Variants in NFATC2 observed in about 807,000 individuals in gnomAD.
NFATC2 encodes the protein nuclear factor of activated T cells 2, also known as nuclear factor of activated T-cells, cytoplasmic 2.
A neutral mutation model predicts 87.3 loss-of-function variants in NFATC2; 22 were observed. The ratio of observed to expected loss-of-function variants is 0.25; its 90% CI spans 0.18 to 0.36. NFATC2 has a LOEUF of 0.36. Among genes scored for constraint, NFATC2 ranks in the 10% least tolerant of loss-of-function variants. The probability of loss-of-function intolerance (pLI) is 1.00; values close to 1 mark genes in which losing one functional copy is unlikely to be tolerated. For missense variants in NFATC2, 1,149 were observed against 1,259.1 expected (o/e 0.91, Z 1.32); for synonymous variants, 565 against 542.2 (o/e 1.04, Z -0.58).
In NFATC2 at chr20:51,390,295, G is replaced by C. The variant is rs571705602; in HGVS notation, c.*1201C>G. 6 of 152,218 alleles carry C rather than the reference G, an allele frequency of 3.9e-5. No homozygotes were observed. The highest frequency in any genetic ancestry group is 1.4e-4 in the African/African-American group (6 of 41,454). 9.4% of individuals were successfully genotyped at this position (152,218 alleles called of 1,614,324 possible). A position where few individuals can be genotyped will look rare whatever the true frequency, so the allele number is the denominator to read the frequency against. On this transcript the variant is annotated 3_prime_UTR_variant, in exon 11 of 11. Transcript: ENST00000371564. ...CCAGTGAAGCTGGGAAGCACATCCT[G>C]AGCTCGGCTGTCCCACTTAGAGGGA...
intron 1 of NFATC2, among the ~76,000 whole-genome samples, chr20:51,550,268 A>G (rs2076921906): frequency 6.6e-6 from 1 of 152,128 alleles, no homozygotes; most frequent in Admixed American, 6.5e-5. Context: ...TGCATTCCAA[A>G]AGAGTAAGAC....
chr20:51,441,641 G>A (rs965098763), intron 6 of NFATC2, among the ~76,000 whole-genome samples: 6 of 145,794 alleles, frequency 4.1e-5, no homozygotes, highest in African/African-American at 7.6e-5. Context: ...CGCTTGAACC[G>A]GGGAGGCGGA....
chr20:51,450,738 C>T (rs896693695), intron 6 of NFATC2, among the ~76,000 whole-genome samples: 2 of 152,170 alleles, frequency 1.3e-5, no homozygotes, highest in East Asian at 1.9e-4. Context: ...AGACCACACA[C>T]GGAAAGTGGC....
At chr20:51,426,490 AT>A (rs1237854146) in intron 9 of NFATC2, among the ~76,000 whole-genome samples, 63 of 25,988 alleles carry the variant, frequency 2.4e-3, no homozygotes, top group African/African-American at 0.02. Flanking sequence ...AAAAAAAAAA[AT>A]CATAAACAAA....
intron 1 of NFATC2, among the ~76,000 whole-genome samples, chr20:51,559,794 A>G (rs1197893077): frequency 1.3e-5 from 2 of 152,222 alleles, no homozygotes; most frequent in Admixed American, 6.5e-5. Context: ...GCCGGGTCTC[A>G]CTATCCTCAA....
At chr20:51,509,499 C>T (rs190599773) in intron 3 of NFATC2, among the ~76,000 whole-genome samples, 1 of 152,248 alleles carries the variant, frequency 6.6e-6, no homozygotes, top group Admixed American at 6.5e-5. Context: ...GACCCGGCCA[C>T]CACCTCTTTC....
At position 51,407,092 on chromosome 20, in the gene NFATC2, C is replaced by T. The variant is rs187429584; in HGVS notation, c.2723-8362G>A. 4.5e-4 allele frequency among the ~76,000 whole-genome samples: 69 copies of T among 152,330 alleles called. 1 individual carries two copies. Among genetic ancestry groups the T allele is most frequent in the African/African-American group, 1.4e-3 (59 of 41,584 alleles). On this transcript the variant is annotated intron_variant, in intron 9 of 10. Transcript: ENST00000371564. ...CCCCAGGGCCTTTGCACCTGCTGTT[C>T]GCTCTACCTGGACTCCTGCTCTTGC...
At chr20:51,517,602 A>AG (rs1460896599) in intron 2 of NFATC2, among the ~76,000 whole-genome samples, 8 of 151,880 alleles carry the variant, frequency 5.3e-5, no homozygotes, top group Non-Finnish European at 8.8e-5. Flanking sequence ...CAAAAAAAAA[A>AG]AAGAAACAAA....
In NFATC2 at chr20:51,432,171, C is replaced by T. The variant is rs754580402; in HGVS notation, c.2618G>A (p.Arg873Lys). 1.2e-6 allele frequency: 2 copies of T among 1,606,036 alleles called. No individual in the cohort carries two copies. Among genetic ancestry groups the T allele is most frequent in the Non-Finnish European group, 1.7e-6 (2 of 1,174,348 alleles). Residue 873 changes from arginine to lysine, a missense_variant, in exon 9 of 11, where the codon AGA becomes AAA. Arg to Lys is a conservative substitution (Grantham distance 26). This residue lies in a region of NFATC2 where 581 missense variants were observed against 649.7 expected (regional missense o/e 0.89). Coordinates refer to ENST00000371564, the MANE Select transcript of NFATC2 (RefSeq NM_012340.5). The surrounding 1 kb of genome is among the most constrained non-coding windows in gnomAD (Gnocchi z 4.6). ...VIQQQNATSQRAAKNGPPVSD... is the reference protein window; with the variant it reads ...VIQQQNATSQKAAKNGPPVSD... ...GACCGGGGGTCCGTTTTTGGCGGCT[C>T]TTTGGCTCGTGGCATTCTGCTGCTG...
chr20:51,416,522 C>A (rs1264741867), intron 9 of NFATC2, among the ~76,000 whole-genome samples: 1 of 152,156 alleles, frequency 6.6e-6, no homozygotes, highest in Non-Finnish European at 1.5e-5. Context: ...CCGTTCAAAT[C>A]TGGGAGAGGC....
chr20:51,424,825 AT>A (rs1981519601), intron 9 of NFATC2, among the ~76,000 whole-genome samples: 1 of 151,200 alleles, frequency 6.6e-6, no homozygotes, highest in Admixed American at 6.6e-5. Context: ...ATACATGTGT[AT>A]TTGCATATGC....
chr20:51,542,745 G>A, upstream of NFATC2: 1 of 791,768 alleles, frequency 1.3e-6, no homozygotes, highest in Non-Finnish European at 1.5e-6. Flanking sequence ...GCAGCCCGGG[G>A]AGGCGGGGGG....
intron 3 of NFATC2, among the ~76,000 whole-genome samples, chr20:51,494,197 C>A (rs946455121): frequency 6.6e-6 from 1 of 151,958 alleles, no homozygotes; most frequent in Non-Finnish European, 1.5e-5. Context: ...GACCCCAGTG[C>A]TCCCCTCCTT....
intron 1 of NFATC2, among the ~76,000 whole-genome samples, chr20:51,527,944 T>A (rs1422645545): frequency 6.6e-6 from 1 of 151,224 alleles, no homozygotes; most frequent in Non-Finnish European, 1.5e-5. Context: ...AAAACAAAAA[T>A]TTTTTTTTCA....
At chr20:51,404,029 G>A (rs1988314785) in intron 9 of NFATC2, among the ~76,000 whole-genome samples, 1 of 152,196 alleles carries the variant, frequency 6.6e-6, no homozygotes, top group South Asian at 2.1e-4. Flanking sequence ...CTGGTCCGTG[G>A]CAGGGGTTGA....
intron 1 of NFATC2, among the ~76,000 whole-genome samples, chr20:51,556,621 C>G (rs1173516679): frequency 6.6e-6 from 1 of 152,206 alleles, no homozygotes; most frequent in African/African-American, 2.4e-5. Flanking sequence ...GGAAACTGGG[C>G]TGGGCCTTCA....
At chr20:51,506,296 C>A (rs1446019148) in intron 3 of NFATC2, among the ~76,000 whole-genome samples, 4 of 152,236 alleles carry the variant, frequency 2.6e-5, no homozygotes, top group Non-Finnish European at 2.9e-5. Context: ...AGGCTGCATG[C>A]CTGCCCAAGC....
intron 1 of NFATC2, among the ~76,000 whole-genome samples, chr20:51,560,923 C>T (rs1007396757): frequency 1.3e-5 from 2 of 152,176 alleles, no homozygotes; most frequent in African/African-American, 4.8e-5. Flanking sequence ...CACAGTAAAA[C>T]AGAAGCCCAG....
At position 51,523,810 on chromosome 20, in the gene NFATC2, CCGG is replaced by C. The variant is rs749349070; in HGVS notation, c.428_430del (p.Ala143del). 3.1e-6 allele frequency: 5 copies of C among 1,609,622 alleles called. No homozygotes were observed. In the Admixed American group the frequency reaches 8.4e-5, roughly 27 times the overall value. On this transcript the variant is annotated inframe_deletion, in exon 2 of 11. Coordinates refer to ENST00000371564, the MANE Select transcript of NFATC2 (RefSeq NM_012340.5). This position sits in a 1 kb window ranked among gnomAD's most constrained non-coding sequence, Gnocchi z 6.9. ...GGTGAACCTCGGGCTGGCGGCCACC[CCGG>C]CCAGGGGCGGCTGCTCCACCAGGAG...
Sources: gnomAD v4.1 joint callset for allele counts (sites outside exome capture counted in the v4.1 genomes callset) on GRCh38, gnomAD v4.1.1 for gene constraint, gnomAD v4.1.1 regional missense constraint, Gnocchi (gnomAD v3.1) non-coding constraint, MANE v1.5 for transcripts, NCBI Gene and HGNC (gene_info 2026-07-23, HGNC 2026-07-21) for gene names.